PPP2R2C: variants seen among roughly 807,000 people sequenced by gnomAD.
PPP2R2C encodes the protein protein phosphatase 2 regulatory subunit Bgamma, also known as protein phosphatase 2, regulatory subunit B, gamma.
In PPP2R2C, 10 loss-of-function variants were observed where a neutral mutation model predicts 45.3. The ratio of observed to expected loss-of-function variants is 0.22; its 90% confidence interval spans 0.14 to 0.37. The LOEUF is 0.37. Ranked by LOEUF, PPP2R2C falls within the 10% of genes least tolerant of loss-of-function variation. PPP2R2C has a pLI of 1.00. For synonymous variants in PPP2R2C, 257 were observed against 245.4 expected, an observed-to-expected ratio of 1.05 and a Z score of -0.44; for missense variants, 308 against 619.7, an observed-to-expected ratio of 0.50 and a Z score of 5.34.
chr4:6,439,171 G>C (rs1720028704), intron 1 of PPP2R2C, among the ~76,000 whole-genome samples: 1 of 152,220 alleles, frequency 6.6e-6, no homozygotes, highest in Non-Finnish European at 1.5e-5. Flanking sequence ...TGCAAAAGCA[G>C]TTCAAATACA....
At chr4:6,403,195 A>G (rs1209889537) in intron 1 of PPP2R2C, among the ~76,000 whole-genome samples, 1 of 152,176 alleles carries the variant, frequency 6.6e-6, no homozygotes, top group East Asian at 1.9e-4. Flanking sequence ...TGTCGCTCTC[A>G]TGCAAAATAT....
rs201343301 is a variant in PPP2R2C at position 6,378,570 on chromosome 4, A to G, written c.171T>C (p.Ser57=). 1.1e-5 allele frequency: 17 copies of G among 1,612,438 alleles called. No individual in the cohort carries two copies. Among genetic ancestry groups the G allele is most frequent in the Non-Finnish European group, 1.3e-5 (15 of 1,179,182 alleles). The change falls in exon 3 of 9, where the codon AGT becomes AGC. Residue 57 remains serine, a splice_region_variant and synonymous_variant. Transcript: ENST00000382599. This position sits in a 1 kb window ranked among gnomAD's most constrained non-coding sequence, Gnocchi z 5.2. ...CGCCCTGGCTGTGGGGCGCATTTTT[A>G]CTCTGCAGGGAAACCCGGAGAAGGG... ...RVVIFQREPE[S]KNAPHSQGEY...
Position 6,345,118 on chromosome 4 carries a change from CT to C in PPP2R2C, c.790+2727del, listed in dbSNP as rs2109215670. Among the ~76,000 whole-genome samples, 1 of 152,338 alleles carries C rather than the reference CT, an allele frequency of 6.6e-6. No homozygotes were observed. The highest frequency in any genetic ancestry group is 2.4e-5 in the African/African-American group (1 of 41,570). On this transcript the variant is annotated intron_variant, in intron 6 of 8. Coordinates refer to ENST00000382599, the MANE Select transcript of PPP2R2C (RefSeq NM_020416.4). The surrounding 1 kb of genome is among the most constrained non-coding windows in gnomAD (Gnocchi z 5.3). ...TGAGGATGTTTCTGGATTTCCACCC[CT>C]ATAAACAACAGGGTGCCAATGAAGC... is the stretch of plus-strand genomic sequence containing the variant.
At chr4:6,520,627 C>T (rs902883001) in intron 2 of PPP2R2C, among the ~76,000 whole-genome samples, 1 of 152,218 alleles carries the variant, frequency 6.6e-6, no homozygotes, top group African/African-American at 2.4e-5. Context: ...GCATGAGCTT[C>T]GCAGCTCCAC....
Position 6,405,945 on chromosome 4 carries a change from A to AG in PPP2R2C, c.71-24852dup, listed in dbSNP as rs371886751. 1.6e-3 allele frequency among the ~76,000 whole-genome samples: 250 copies of AG among 152,240 alleles called. 1 individual carries two copies. Among genetic ancestry groups the AG allele is most frequent in the African/African-American group, 5.6e-3 (233 of 41,546 alleles). Reference sequence around the variant, plus strand: ...ATACTTTGTTTTGTTTCCTGGCAGCAGGGGGGTCTCTTTTTCCCTTCACTT... The same window carrying AG: ...ATACTTTGTTTTGTTTCCTGGCAGCAGGGGGGGTCTCTTTTTCCCTTCACTT... On this transcript the variant is annotated intron_variant, in intron 1 of 8. Transcript: ENST00000382599.
At chr4:6,326,478 G>A (rs1286429132) in intron 8 of PPP2R2C, among the ~76,000 whole-genome samples, 1 of 152,152 alleles carries the variant, frequency 6.6e-6, no homozygotes, top group Non-Finnish European at 1.5e-5. Context: ...GGAGGAGGGG[G>A]CGTTGAAGCC....
rs542724759 is a variant in PPP2R2C, at chr4:6,382,823, G to A, written c.71-1729C>T. On this transcript the variant is annotated intron_variant, in intron 1 of 8. Transcript: ENST00000382599. The stretch of plus-strand genomic sequence containing the variant: ...ACAGCTCTTTCTCCCTGGCTATGAC[G>A]TAGCCTCAACAGACTGGCAGCAGAG... The A allele has an allele frequency of 6.3e-5, 66 of 1,047,280 alleles. No individual in the cohort carries two copies. In the South Asian group the frequency reaches 7.3e-4, roughly 12 times the overall value. The allele number at this position is 1,047,280 out of a possible 1,614,324, so 64.9% of individuals were successfully genotyped here.
rs1483608019 is a variant in PPP2R2C, at chr4:6,511,792, A to G, written c.49+23479T>C. ...GGTGATGGTGGTAATGGTGGTGGTG[A>G]TGGTGATGGTGGTGTTGGTGGTGGT... On this transcript the variant is annotated intron_variant, in intron 2 of 9. Transcript: ENST00000506140. Among the ~76,000 whole-genome samples, 53 of 9,410 alleles carry G rather than the reference A, an allele frequency of 5.6e-3. 6 individuals carry two copies. Among genetic ancestry groups the G allele is most frequent in the Non-Finnish European group, 8.5e-3 (39 of 4,608 alleles). 6.2% of individuals were successfully genotyped at this position (9,410 alleles called of 152,430 possible). A position where few individuals can be genotyped will look rare whatever the true frequency, so the allele number is the denominator to read the frequency against.
chr4:6,466,367 G>C (rs1024097013), intron 1 of PPP2R2C, among the ~76,000 whole-genome samples: 1 of 152,134 alleles, frequency 6.6e-6, no homozygotes, highest in Non-Finnish European at 1.5e-5. Flanking sequence ...CCAAGCACAG[G>C]TCCTTCTGAG....
intron 1 of PPP2R2C, chr4:6,381,748 A>T: frequency 6.2e-7 from 1 of 1,602,246 alleles, no homozygotes; most frequent in Non-Finnish European, 8.5e-7. Flanking sequence ...GTCACTCAGG[A>T]ACCTCTCCTT....
chr4:6,456,825 T>C (rs4689451), intron 1 of PPP2R2C, among the ~76,000 whole-genome samples: 65,081 of 152,124 alleles, frequency 0.43, 15,044 homozygotes, highest in Non-Finnish European at 0.54. Context: ...CACTGTGGCC[T>C]GGCCACGTGG....
intron 1 of PPP2R2C, among the ~76,000 whole-genome samples, chr4:6,430,337 T>G (rs1022624583): frequency 6.5e-4 from 99 of 152,282 alleles, no homozygotes; most frequent in African/African-American, 1.9e-3. Flanking sequence ...CCACACTGCC[T>G]GCACCAGACA....
intron 1 of PPP2R2C, among the ~76,000 whole-genome samples, chr4:6,548,161 T>G (rs1577252357): frequency 6.6e-6 from 1 of 152,022 alleles, no homozygotes; most frequent in African/African-American, 2.4e-5. Flanking sequence ...GGGGCTGCAG[T>G]GAGCCAAGAT....
chr4:6,461,941 C>T (rs1250278528), intron 1 of PPP2R2C, among the ~76,000 whole-genome samples: 1 of 152,220 alleles, frequency 6.6e-6, no homozygotes, highest in Non-Finnish European at 1.5e-5. Context: ...GAGCACGTGG[C>T]ATGCACCATC....
At chr4:6,541,928 C>T (rs2108832304) in intron 1 of PPP2R2C, among the ~76,000 whole-genome samples, 1 of 152,366 alleles carries the variant, frequency 6.6e-6, no homozygotes, top group South Asian at 2.1e-4. Flanking sequence ...GATTCCCTCG[C>T]TGCATAGGTT....
At chr4:6,469,610 G>A (rs982664004) in intron 1 of PPP2R2C, among the ~76,000 whole-genome samples, 1 of 152,172 alleles carries the variant, frequency 6.6e-6, no homozygotes, top group African/African-American at 2.4e-5. Flanking sequence ...CTGTATGAAA[G>A]GTCGTTATTA....
chr4:6,340,236 G>A (rs1029106991), intron 6 of PPP2R2C, among the ~76,000 whole-genome samples: 49 of 152,076 alleles, frequency 3.2e-4, no homozygotes, highest in Non-Finnish European at 6.2e-4. Context: ...GCACACAAGA[G>A]CCCACCCCTC....
At position 6,544,987 on chromosome 4, in the gene PPP2R2C, C is replaced by T. The variant is rs76297700; in HGVS notation, c.-58-9610G>A. 9.0e-3 allele frequency among the ~76,000 whole-genome samples: 1,372 copies of T among 152,170 alleles called. 19 individuals are homozygous for T. The highest frequency in any genetic ancestry group is 0.031 in the African/African-American group (1,281 of 41,502). ...TTTATAATTTCCTCAGGATAAATCCCCAAGAGTGTAAATGCAGTGTCAGGA... is the reference window on the plus strand; with the variant it reads ...TTTATAATTTCCTCAGGATAAATCCTCAAGAGTGTAAATGCAGTGTCAGGA... On this transcript the variant is annotated intron_variant, in intron 1 of 9. Transcript: ENST00000506140.
rs1714491375 is a variant in PPP2R2C at position 6,368,112 on chromosome 4, T to G, written c.625+4411A>C. Among the ~76,000 whole-genome samples the G allele has an allele frequency of 6.6e-6, 1 of 152,182 alleles. No individual in the cohort carries two copies. The highest frequency in any genetic ancestry group is 2.4e-5 in the African/African-American group (1 of 41,448). On this transcript the variant is annotated intron_variant, in intron 5 of 8. Transcript: ENST00000382599. This position sits in a 1 kb window ranked among gnomAD's most constrained non-coding sequence, Gnocchi z 4.2. ...CCAGGATCCACAGGGGCCCCCGATC[T>G]GCTGACACTCCTCCCTTGTCACTGT...
Sources: gnomAD v4.1 joint callset for allele counts (sites outside exome capture counted in the v4.1 genomes callset) on GRCh38, gnomAD v4.1.1 for gene constraint, Gnocchi (gnomAD v3.1) non-coding constraint, MANE v1.5 for transcripts, NCBI Gene and HGNC (gene_info 2026-07-23, HGNC 2026-07-21) for gene names.